Variants in ADAMTS20 observed in about 807,000 individuals in gnomAD.
ADAMTS20 encodes the protein ADAM metallopeptidase with thrombospondin type 1 motif 20.
In ADAMTS20, 225 loss-of-function variants were observed where a neutral mutation model predicts 260.1. That is an observed-to-expected ratio of 0.87 (90% confidence interval 0.78 to 0.97). The LOEUF (loss-of-function observed/expected upper bound fraction) is 0.97, where lower values mean the gene tolerates loss of function less well. Among genes scored for constraint, ADAMTS20 ranks in the 50% least tolerant of loss-of-function variants. ADAMTS20 has a pLI of 0.00. For missense variants in ADAMTS20, 2,400 were observed against 2,337.7 expected (o/e 1.03, Z -0.55); for synonymous variants, 802 against 769.5 (o/e 1.04, Z -0.70).
At chr12:43,471,997 A>G (rs1478262182) in intron 7 of ADAMTS20, among the ~76,000 whole-genome samples, 1 of 151,998 alleles carries the variant, frequency 6.6e-6, no homozygotes, top group Non-Finnish European at 1.5e-5. Context: ...AATGACTTTG[A>G]CGAGCTGAGA....
chr12:43,529,664 A>C (rs192369951), intron 3 of ADAMTS20, among the ~76,000 whole-genome samples: 26 of 152,214 alleles, frequency 1.7e-4, no homozygotes, highest in Admixed American at 5.9e-4. Flanking sequence ...GCGGGAGGGT[A>C]GGAGGGGGGT....
chr12:43,464,651 A>G lies in ADAMTS20; in HGVS notation c.1449T>C (p.Tyr483=), dbSNP rs140090233. 13 of 1,613,320 alleles carry G rather than the reference A, an allele frequency of 8.1e-6. No individual in the cohort carries two copies. The highest frequency in any genetic ancestry group is 1.0e-5 in the Non-Finnish European group (12 of 1,179,494). The stretch of plus-strand genomic sequence containing the variant: ...CAAGCTCACACTGCTTGTTTCCATC[A>G]TATCGTGATCCAGGAAGTTCTGAAG... ...NLPSELPGSR[Y]DGNKQCELAF... The change falls in exon 10 of 39, where the codon TAT becomes TAC. Residue 483 remains tyrosine (Y), a synonymous_variant. Coordinates refer to ENST00000389420, the MANE Select transcript of ADAMTS20 (RefSeq NM_025003.5).
chr12:43,439,871 G>T, intron 17 of ADAMTS20, 26 bp downstream of exon 17: 1 of 1,592,688 alleles, frequency 6.3e-7, no homozygotes. Context: ...AAATCCAAGT[G>T]TTATTACTGA....
chr12:43,539,046 G>A (rs909148861), intron 2 of ADAMTS20, among the ~76,000 whole-genome samples: 4 of 148,034 alleles, frequency 2.7e-5, no homozygotes, highest in East Asian at 2.0e-4. Context: ...TCCACCACCC[G>A]GGTTCAAGCA....
chr12:43,443,668 T>A (rs945259715), intron 16 of ADAMTS20, 123 bp downstream of exon 16: 6 of 723,458 alleles, frequency 8.3e-6, no homozygotes, highest in Non-Finnish European at 1.4e-5. Flanking sequence ...CTAAGCTCAG[T>A]ATGAAATGAA....
intron 28 of ADAMTS20, among the ~76,000 whole-genome samples, chr12:43,404,903 T>C (rs930334805): frequency 1.3e-5 from 2 of 152,016 alleles, no homozygotes; most frequent in African/African-American, 4.8e-5. Context: ...AATTTAAAAT[T>C]TTCTAAATCC....
chr12:43,365,672 T>C (rs1939968403), intron 37 of ADAMTS20, among the ~76,000 whole-genome samples: 1 of 151,980 alleles, frequency 6.6e-6, no homozygotes, highest in South Asian at 2.1e-4. Context: ...CATAAAATTA[T>C]TTAAGTTAAT....
chr12:43,404,415 C>T (rs1030226420), intron 28 of ADAMTS20, among the ~76,000 whole-genome samples: 9 of 152,088 alleles, frequency 5.9e-5, no homozygotes, highest in Non-Finnish European at 4.4e-5. Flanking sequence ...ACATTTCCAA[C>T]GTAATAGATA....
At position 43,369,755 on chromosome 12, in the gene ADAMTS20, A is replaced by C. The variant is rs1036408290; in HGVS notation, c.5447-374T>G. Among the ~76,000 whole-genome samples the C allele has an allele frequency of 2.0e-5, 3 of 152,212 alleles. No individual in the cohort carries two copies. The East Asian group carries it at 5.8e-4, about 29-fold the overall frequency. ...AGGGTTATGTAAACATAAATGACAA[A>C]ACAATAAAATTGAATGCTTATAAAC... On this transcript the variant is annotated intron_variant, in intron 36 of 38. Coordinates refer to ENST00000389420, the MANE Select transcript of ADAMTS20 (RefSeq NM_025003.5).
rs1592069800 is a variant in ADAMTS20, at chr12:43,439,892, T to A, written c.2463+5A>T. On this transcript the variant is annotated splice_donor_5th_base_variant and intron_variant, in intron 17 of 38. Transcript: ENST00000389420. Reference sequence around the variant, plus strand: ...AAGTGTTATTACTGATGACTGAGAATTTACCTGCAAAATAAGTTCTTTCTC... The same window carrying A: ...AAGTGTTATTACTGATGACTGAGAAATTACCTGCAAAATAAGTTCTTTCTC... The A allele has an allele frequency of 2.5e-6, 4 of 1,603,094 alleles. No individual in the cohort carries two copies. In the African/African-American group the frequency reaches 5.4e-5, roughly 22 times the overall value.
intron 28 of ADAMTS20, among the ~76,000 whole-genome samples, chr12:43,417,160 C>T (rs1941148214): frequency 2.0e-5 from 3 of 152,088 alleles, no homozygotes; most frequent in African/African-American, 7.2e-5. Flanking sequence ...GGAATGGTAA[C>T]ATGCAATTCT....
In ADAMTS20 at chr12:43,429,673, A is replaced by G; in HGVS notation, c.3433T>C (p.Leu1145=). ...ATCTTTTTTATGAGAACAGTTGGTA[A>G]TAAAGCGGTCTCAAGTTTAGAAATA... is the stretch of plus-strand genomic sequence containing the variant. The part of the protein sequence containing the change: ...SFISKLETAL[L]PTVLIKKMAQ... Residue 1145 remains leucine, a synonymous_variant, in exon 24 of 39, where the codon TTA becomes CTA. Coordinates refer to ENST00000389420, the MANE Select transcript of ADAMTS20 (RefSeq NM_025003.5). 6.2e-7 allele frequency: 1 copy of G among 1,600,284 alleles called. No individual in the cohort carries two copies. Among genetic ancestry groups the G allele is most frequent in the Non-Finnish European group, 8.5e-7 (1 of 1,172,420 alleles).
chr12:43,453,082 C>A (rs1218885670), intron 12 of ADAMTS20, among the ~76,000 whole-genome samples: 1 of 152,236 alleles, frequency 6.6e-6, no homozygotes, highest in African/African-American at 2.4e-5. Flanking sequence ...AATGTATACA[C>A]ATCTGTCATG....
Position 43,435,772 on chromosome 12 carries a change from G to A in ADAMTS20, c.2594-1401C>T, listed in dbSNP as rs548319126. On this transcript the variant is annotated intron_variant, in intron 18 of 38. Coordinates refer to ENST00000389420, the MANE Select transcript of ADAMTS20 (RefSeq NM_025003.5). ...AATTAGCAGCCAAAACATGACATGAGCAATAAATAAACCTTTATTGTTCCA... is the reference window on the plus strand; with the variant it reads ...AATTAGCAGCCAAAACATGACATGAACAATAAATAAACCTTTATTGTTCCA... Among the ~76,000 whole-genome samples the A allele has an allele frequency of 7.8e-4, 117 of 150,840 alleles. 1 individual carries two copies. Among genetic ancestry groups the A allele is most frequent in the African/African-American group, 2.8e-3 (115 of 41,158 alleles).
chr12:43,456,302 CTAGAT>C (rs1231370674), intron 11 of ADAMTS20, among the ~76,000 whole-genome samples: 1 of 152,090 alleles, frequency 6.6e-6, no homozygotes, highest in African/African-American at 2.4e-5. Flanking sequence ...AAGTAGTTGC[CTAGAT>C]TATTCTCATT....
At chr12:43,494,793 A>T (rs1471864331) in intron 4 of ADAMTS20, among the ~76,000 whole-genome samples, 1 of 152,194 alleles carries the variant, frequency 6.6e-6, no homozygotes, top group Non-Finnish European at 1.5e-5. Context: ...ATGGAGAAAA[A>T]AAAAGCACAC....
intron 7 of ADAMTS20, among the ~76,000 whole-genome samples, chr12:43,469,669 T>G (rs543338947): frequency 6.6e-6 from 1 of 152,336 alleles, no homozygotes; most frequent in Non-Finnish European, 1.5e-5. Context: ...GTAAAGCTTT[T>G]GCATTTAGAA....
chr12:43,375,233 GCTAA>G (rs1442542253), intron 36 of ADAMTS20, 142 bp downstream of exon 36: 6 of 653,112 alleles, frequency 9.2e-6, no homozygotes, highest in East Asian at 3.3e-5. Context: ...GAAGTATGTA[GCTAA>G]CTGTTTTTAA....
intron 18 of ADAMTS20, 82 bp downstream of exon 18, chr12:43,439,540 T>C (rs1490185292): frequency 5.3e-6 from 8 of 1,503,240 alleles, no homozygotes; most frequent in Middle Eastern, 2.5e-4. Context: ...GAGGATTCCA[T>C]AGGCAGCCAA....
Sources: allele counts gnomAD v4.1 joint callset (sites outside exome capture counted in the v4.1 genomes callset), GRCh38; gene constraint gnomAD v4.1.1; transcripts MANE v1.5; gene names NCBI Gene and HGNC (gene_info 2026-07-23, HGNC 2026-07-21).